Variants in GRIA4 observed in about 807,000 individuals in gnomAD.
GRIA4 encodes glutamate ionotropic receptor AMPA type subunit 4.
GRIA4 carries 34 observed loss-of-function variants against 104.0 expected under a neutral mutation model. That is an observed-to-expected ratio of 0.33 (90% CI 0.25 to 0.44). The LOEUF (loss-of-function observed/expected upper bound fraction) is 0.44, where lower values mean the gene tolerates loss of function less well. Among genes scored for constraint, GRIA4 ranks in the 20% least tolerant of loss-of-function variants. GRIA4 has a pLI of 1.00. For missense variants in GRIA4, 750 were observed against 1,096.5 expected, an observed-to-expected ratio of 0.68 and a Z score of 4.46; for synonymous variants, 386 against 381.9, an observed-to-expected ratio of 1.01 and a Z score of -0.13.
At position 105,833,691 on chromosome 11, in the gene GRIA4, A is replaced by G. The variant is rs367578211; in HGVS notation, c.488-28333A>G. Among the ~76,000 whole-genome samples, 59 of 152,094 alleles carry G rather than the reference A, an allele frequency of 3.9e-4. No homozygotes were observed. The South Asian group carries it at 0.012, about 32-fold the overall frequency. On this transcript the variant is annotated intron_variant, in intron 4 of 16. Coordinates refer to ENST00000282499, the MANE Select transcript of GRIA4 (RefSeq NM_000829.4). ...ACTGTAAATAATACTAAGAGGCCAG[A>G]GTCATTATAGTTGCTTTTGTTTTAG...
At chr11:105,947,239 A>T (rs1472547243) in intron 14 of GRIA4, among the ~76,000 whole-genome samples, 1 of 152,130 alleles carries the variant, frequency 6.6e-6, no homozygotes, top group Non-Finnish European at 1.5e-5. Flanking sequence ...CCTAATTTTG[A>T]CTTTCTCTCT....
At chr11:105,687,531 T>C (rs1398633335) in intron 3 of GRIA4, among the ~76,000 whole-genome samples, 1 of 152,216 alleles carries the variant, frequency 6.6e-6, no homozygotes, top group Non-Finnish European at 1.5e-5. Context: ...CAGATATTTG[T>C]AGACCTTGGA....
At chr11:105,825,873 G>A (rs187853021) in intron 4 of GRIA4, among the ~76,000 whole-genome samples, 4 of 152,038 alleles carry the variant, frequency 2.6e-5, no homozygotes, top group Non-Finnish European at 4.4e-5. Flanking sequence ...TATATTCTGC[G>A]TGGAAGCTGC....
chr11:105,701,560 A>G (rs1050761785), intron 3 of GRIA4, among the ~76,000 whole-genome samples: 10 of 152,070 alleles, frequency 6.6e-5, no homozygotes, highest in African/African-American at 2.2e-4. Context: ...GAGAGAGTGC[A>G]TGTGTTCATA....
chr11:105,757,271 G>T (rs766269063), intron 4 of GRIA4, among the ~76,000 whole-genome samples: 4 of 152,212 alleles, frequency 2.6e-5, no homozygotes, highest in Non-Finnish European at 5.9e-5. Context: ...TTGGTGAGAG[G>T]AGGCAAAGGG....
chr11:105,861,030 T>C (rs1279093895), intron 4 of GRIA4, among the ~76,000 whole-genome samples: 6 of 151,748 alleles, frequency 4.0e-5, no homozygotes, highest in African/African-American at 1.2e-4. Context: ...TGAAGATATA[T>C]TGCATTTCCT....
chr11:105,743,351 C>G (rs942364183), intron 3 of GRIA4, among the ~76,000 whole-genome samples: 5 of 152,130 alleles, frequency 3.3e-5, no homozygotes, highest in African/African-American at 1.2e-4. Context: ...AATCCTCAAA[C>G]GCAAACCTGA....
chr11:105,866,551 G>GTGTATATATA (rs1299256765), intron 5 of GRIA4, among the ~76,000 whole-genome samples: 1,850 of 76,348 alleles, frequency 0.024, 28 homozygotes, highest in South Asian at 0.063. Context: ...GTGTGTGTGT[G>GTGTATATATA]TATATATATA....
intron 10 of GRIA4, among the ~76,000 whole-genome samples, chr11:105,917,815 G>GGTGGGTGT (rs1555047936): frequency 7.0e-6 from 1 of 142,690 alleles, no homozygotes; most frequent in Non-Finnish European, 1.5e-5. Flanking sequence ...TTGGTTTAAG[G>GGTGGGTGT]GTGTGTGTGT....
intron 3 of GRIA4, among the ~76,000 whole-genome samples, chr11:105,738,853 C>T (rs1172677429): frequency 1.3e-5 from 2 of 148,390 alleles, no homozygotes; most frequent in Non-Finnish European, 3.0e-5. Context: ...TCCTTGAATG[C>T]TAAACAGTAA....
intron 3 of GRIA4, among the ~76,000 whole-genome samples, chr11:105,663,334 G>A (rs1952070256): frequency 6.6e-6 from 1 of 151,776 alleles, no homozygotes; most frequent in African/African-American, 2.4e-5. Context: ...CAATAACTGG[G>A]ATTCTCTAAA....
chr11:105,847,468 A>T (rs1944642223), intron 4 of GRIA4, among the ~76,000 whole-genome samples: 1 of 152,170 alleles, frequency 6.6e-6, no homozygotes. Flanking sequence ...CATATTCCAT[A>T]AAAAACCTCT....
chr11:105,977,089 C>G (rs963483893), intron 16 of GRIA4, among the ~76,000 whole-genome samples: 1 of 152,046 alleles, frequency 6.6e-6, no homozygotes, highest in East Asian at 1.9e-4. Flanking sequence ...CTGGCAAAAG[C>G]CTTCTGTAAA....
chr11:105,779,222 T>C (rs113360685), intron 4 of GRIA4, among the ~76,000 whole-genome samples: 4,527 of 152,036 alleles, frequency 0.03, 134 homozygotes, highest in African/African-American at 0.076. Context: ...TCTTTGCTAT[T>C]GTGAATAGTG....
intron 4 of GRIA4, among the ~76,000 whole-genome samples, chr11:105,779,891 A>G (rs1454961456): frequency 6.6e-6 from 1 of 152,208 alleles, no homozygotes. Context: ...ATTATTATGA[A>G]AAATCAGTCA....
chr11:105,911,516 T>C (rs1947233894), intron 10 of GRIA4, among the ~76,000 whole-genome samples: 1 of 151,604 alleles, frequency 6.6e-6, no homozygotes, highest in African/African-American at 2.4e-5. Context: ...TTTTAGCTTT[T>C]GTCATTTTAG....
At chr11:105,969,404 G>A (rs1172051836) in intron 14 of GRIA4, among the ~76,000 whole-genome samples, 2 of 152,078 alleles carry the variant, frequency 1.3e-5, no homozygotes, top group Non-Finnish European at 2.9e-5. Flanking sequence ...CATTAATTAT[G>A]GTTAATACTA....
intron 3 of GRIA4, among the ~76,000 whole-genome samples, chr11:105,647,959 AAAATAAATAAAT>A (rs57841251): frequency 1.5e-4 from 22 of 147,958 alleles, no homozygotes; most frequent in African/African-American, 2.2e-4. Context: ...CCCCTGTATG[AAAATAAATAAAT>A]AAATAAATAA....
At chr11:105,657,235 C>G (rs1329174445) in intron 3 of GRIA4, among the ~76,000 whole-genome samples, 1 of 151,932 alleles carries the variant, frequency 6.6e-6, no homozygotes, top group East Asian at 1.9e-4. Flanking sequence ...AAGCTTTTCT[C>G]AGCCATTTTA....
Sources: allele counts gnomAD v4.1 joint callset (sites outside exome capture counted in the v4.1 genomes callset), GRCh38; gene constraint gnomAD v4.1.1; transcripts MANE v1.5; gene names NCBI Gene and HGNC (gene_info 2026-07-23, HGNC 2026-07-21).